Variants in MYLK observed in about 807,000 individuals in gnomAD.
The protein encoded by MYLK is myosin light chain kinase.
Under a neutral mutation model 203.4 loss-of-function variants are expected in MYLK, and 106 were observed. The ratio of observed to expected loss-of-function variants is 0.52; its 90% CI spans 0.45 to 0.61. The LOEUF (loss-of-function observed/expected upper bound fraction) is 0.61. Among genes scored for constraint, MYLK ranks in the 20% least tolerant of loss-of-function variants. The pLI is 0.00. For synonymous variants in MYLK, 867 were observed against 959.5 expected (o/e 0.90, Z 1.78); for missense variants, 2,072 against 2,442.3 (o/e 0.85, Z 3.20).
At chr3:123,761,686 G>A (rs998437255) in intron 4 of MYLK, among the ~76,000 whole-genome samples, 1 of 152,160 alleles carries the variant, frequency 6.6e-6, no homozygotes, top group East Asian at 1.9e-4. Context: ...CAATGTCAGT[G>A]TCTGACTGGC....
chr3:123,737,630 T>G, intron 7 of MYLK, 87 bp from the exon 8 acceptor site: 1 of 1,558,616 alleles, frequency 6.4e-7, no homozygotes, highest in Non-Finnish European at 8.8e-7. Flanking sequence ...CCTAGTGGGA[T>G]AGACTCCAGG....
intron 4 of MYLK, among the ~76,000 whole-genome samples, chr3:123,788,915 G>A (rs1446186175): frequency 2.0e-5 from 3 of 151,934 alleles, no homozygotes; most frequent in Non-Finnish European, 4.4e-5. Context: ...CTGAGTCACA[G>A]CACAGCCAGG....
chr3:123,766,251 T>G (rs2063698287), intron 4 of MYLK, among the ~76,000 whole-genome samples: 1 of 152,140 alleles, frequency 6.6e-6, no homozygotes, highest in Non-Finnish European at 1.5e-5. Flanking sequence ...TTCCAATGAG[T>G]TCTCATTGTG....
At chr3:123,628,963 C>A (rs1300615137) in intron 30 of MYLK, among the ~76,000 whole-genome samples, 2 of 152,178 alleles carry the variant, frequency 1.3e-5, no homozygotes, top group Non-Finnish European at 2.9e-5. Flanking sequence ...TGTATTCAAG[C>A]AGGCAGTTAT....
chr3:123,785,328 A>C (rs1259577226), intron 4 of MYLK, among the ~76,000 whole-genome samples: 1 of 152,220 alleles, frequency 6.6e-6, no homozygotes, highest in Non-Finnish European at 1.5e-5. Flanking sequence ...CCAGCTGTTG[A>C]CTATGGTAAA....
intron 2 of MYLK, among the ~76,000 whole-genome samples, chr3:123,842,984 C>G (rs1051074725): frequency 6.6e-6 from 1 of 152,172 alleles, no homozygotes; most frequent in Admixed American, 6.5e-5. Flanking sequence ...GGTACAGAAC[C>G]CACACACTCT....
intron 20 of MYLK, among the ~76,000 whole-genome samples, chr3:123,677,918 T>C (rs191864158): frequency 0.014 from 1,141 of 78,730 alleles, 52 homozygotes; most frequent in East Asian, 0.1. Flanking sequence ...TATATATATA[T>C]ACACACACAC....
rs553472487 is a variant in MYLK, at chr3:123,664,193, G to A, written c.3897C>T (p.Ala1299=). ...AGCAGCCGCAGTGCTCCTGGCGCGCGGCCAGGATGGTGAGCTTGCTGCCAT... is the reference window on the plus strand; with the variant it reads ...AGCAGCCGCAGTGCTCCTGGCGCGCAGCCAGGATGGTGAGCTTGCTGCCAT... ...SENGSKLTIL[A]ARQEHCGCYT... The change falls in exon 23 of 34, where the codon GCC becomes GCT. Residue 1299 remains alanine, a synonymous_variant. Coordinates refer to ENST00000360304, the MANE Select transcript of MYLK (RefSeq NM_053025.4). 8.2e-5 allele frequency: 133 copies of A among 1,614,138 alleles called. 1 individual carries two copies. Among genetic ancestry groups the A allele is most frequent in the African/African-American group, 3.2e-4 (24 of 75,050 alleles).
intron 4 of MYLK, among the ~76,000 whole-genome samples, chr3:123,772,878 C>T (rs1309848863): frequency 1.3e-5 from 2 of 151,892 alleles, no homozygotes; most frequent in Non-Finnish European, 2.9e-5. Context: ...AATTCTTAAA[C>T]ATTGCTGAAG....
intron 14 of MYLK, 47 bp downstream of exon 14, chr3:123,709,709 A>G (rs774857961): frequency 7.4e-6 from 12 of 1,611,658 alleles, no homozygotes; most frequent in Non-Finnish European, 7.6e-6. Context: ...CATTGCAACC[A>G]AGACCATTTT....
At chr3:123,848,045 C>A (rs1447118930) in intron 2 of MYLK, among the ~76,000 whole-genome samples, 3 of 151,780 alleles carry the variant, frequency 2.0e-5, no homozygotes, top group African/African-American at 4.8e-5. Flanking sequence ...AGTTTAAATT[C>A]TTTATAATTG....
chr3:123,742,737 T>A (rs1484320378), intron 5 of MYLK, among the ~76,000 whole-genome samples: 1 of 152,208 alleles, frequency 6.6e-6, no homozygotes, highest in African/African-American at 2.4e-5. Flanking sequence ...GATTAACTGA[T>A]GAATGGATAA....
At chr3:123,721,928 T>C (rs1384127183) in intron 13 of MYLK, among the ~76,000 whole-genome samples, 200 bp downstream of exon 13, 1 of 151,498 alleles carries the variant, frequency 6.6e-6, no homozygotes, top group Non-Finnish European at 1.5e-5. Flanking sequence ...TTAAGGACCC[T>C]CTCCTCTGTC....
intron 14 of MYLK, 58 bp downstream of exon 14, chr3:123,709,698 C>G (rs2061613770): frequency 6.2e-7 from 1 of 1,607,036 alleles, no homozygotes; most frequent in Non-Finnish European, 8.5e-7. Flanking sequence ...AGAGCAATAC[C>G]CATTGCAACC....
chr3:123,701,856 C>A (rs981519918), intron 16 of MYLK, among the ~76,000 whole-genome samples: 3 of 152,236 alleles, frequency 2.0e-5, no homozygotes, highest in Non-Finnish European at 4.4e-5. Flanking sequence ...GCTAACCCTG[C>A]TGGGAACTGT....
intron 23 of MYLK, among the ~76,000 whole-genome samples, chr3:123,661,939 C>T (rs192378280): frequency 1.2e-3 from 176 of 152,260 alleles, no homozygotes; most frequent in African/African-American, 3.1e-3. Flanking sequence ...GCTCACTGGC[C>T]ACCTCATTTG....
At chr3:123,710,157 TTTTA>T (rs1208199312) in intron 13 of MYLK, among the ~76,000 whole-genome samples, 2 of 152,144 alleles carry the variant, frequency 1.3e-5, no homozygotes, top group South Asian at 2.1e-4. Context: ...TTAAAAAATA[TTTTA>T]TTTATTTTTC....
intron 5 of MYLK, among the ~76,000 whole-genome samples, chr3:123,744,512 G>A (rs2062956310): frequency 6.6e-6 from 1 of 152,200 alleles, no homozygotes; most frequent in Non-Finnish European, 1.5e-5. Flanking sequence ...ACAGACCACT[G>A]AAGTAGAGAA....
chr3:123,738,968 T>G lies in MYLK; in HGVS notation c.517A>C (p.Lys173Gln). ...GAGAATCGTCCCATCTGTCCTTCTT[T>G]GACCACAACTCGGCCCAGCTTGGTA... ...FATKLGRVVV[K>Q]EGQMGRFSCK... The change falls in exon 7 of 34, where the codon AAA becomes CAA. Residue 173 changes from lysine to glutamine, a missense_variant. Around this residue, in one of 3 missense-constraint regions of MYLK, gnomAD observed 683 missense variants for 643.8 expected, o/e 1.06. Transcript: ENST00000360304. The G allele has an allele frequency of 6.2e-7, 1 of 1,613,644 alleles. No individual in the cohort carries two copies. The highest frequency in any genetic ancestry group is 2.2e-5 in the East Asian group (1 of 44,864).
Sources: allele counts gnomAD v4.1 joint callset (sites outside exome capture counted in the v4.1 genomes callset), GRCh38; gene constraint gnomAD v4.1.1; regional missense constraint gnomAD v4.1.1; transcripts MANE v1.5; gene names NCBI Gene and HGNC (gene_info 2026-07-23, HGNC 2026-07-21).